ACO2: variants seen among roughly 807,000 people sequenced by gnomAD.
ACO2 encodes aconitate hydratase, mitochondrial.
In ACO2, 31 loss-of-function variants were observed where a neutral mutation model predicts 84.5. That is an observed-to-expected ratio of 0.37 (90% CI 0.28 to 0.50). The LOEUF (loss-of-function observed/expected upper bound fraction) is 0.50. Among genes scored for constraint, ACO2 ranks in the 20% least tolerant of loss-of-function variants. The probability of loss-of-function intolerance (pLI) is 0.97; values close to 1 mark genes in which losing one functional copy is unlikely to be tolerated. For missense variants in ACO2, 685 were observed against 1,029.3 expected, an observed-to-expected ratio of 0.67 and a Z score of 4.58; for synonymous variants, 414 against 412.7, an observed-to-expected ratio of 1.00 and a Z score of -0.04.
intron 15 of ACO2, chr22:41,527,046 TTC>T: frequency 1.7e-6 from 1 of 592,582 alleles, no homozygotes; most frequent in Non-Finnish European, 3.0e-6. Flanking sequence ...AATGGGTGGC[TTC>T]TGTCTTCTTT....
chr22:41,500,890 G>A (rs1041901232), intron 2 of ACO2, among the ~76,000 whole-genome samples: 1 of 152,016 alleles, frequency 6.6e-6, no homozygotes, highest in African/African-American at 2.4e-5. Context: ...TTTTTGTGGA[G>A]ATGGGGTTTC....
At chr22:41,486,849 A>G (rs939994293) in intron 1 of ACO2, among the ~76,000 whole-genome samples, 4 of 151,128 alleles carry the variant, frequency 2.6e-5, no homozygotes, top group Non-Finnish European at 5.9e-5. Context: ...ATTTTCTGCC[A>G]TTTCTTCTTC....
intron 1 of ACO2, among the ~76,000 whole-genome samples, chr22:41,493,104 TCCCTTTATCAGGAACCGACTCGC>T (rs2066285196): frequency 6.6e-6 from 1 of 152,144 alleles, no homozygotes; most frequent in Non-Finnish European, 1.5e-5. Flanking sequence ...GCCGGATTTA[TCCCTTTATCAGGAACCGACTCGC>T]ATGACAACTA....
At chr22:41,490,998 A>G (rs1432400862) in intron 1 of ACO2, among the ~76,000 whole-genome samples, 3 of 152,006 alleles carry the variant, frequency 2.0e-5, no homozygotes. Flanking sequence ...AATGAAGTCA[A>G]GGAGAGGTAA....
At chr22:41,505,085 G>A (rs1458311326) in intron 2 of ACO2, among the ~76,000 whole-genome samples, 5 of 151,946 alleles carry the variant, frequency 3.3e-5, no homozygotes, top group Admixed American at 3.3e-4. Flanking sequence ...GCAGAAGGAA[G>A]TTTCTCTGCC....
chr22:41,482,260 C>CA (rs1159655986), intron 1 of ACO2, among the ~76,000 whole-genome samples: 86 of 152,362 alleles, frequency 5.6e-4, no homozygotes, highest in African/African-American at 2.0e-3. Context: ...CCAACAACCC[C>CA]CTGGAGGACT....
intron 2 of ACO2, among the ~76,000 whole-genome samples, chr22:41,502,476 T>C (rs2066360152): frequency 6.6e-6 from 1 of 152,236 alleles, no homozygotes; most frequent in Non-Finnish European, 1.5e-5. Flanking sequence ...TAGGACGTTG[T>C]ATTTATTCTT....
rs985383276 is a variant in ACO2 at position 41,526,606 on chromosome 22, C to T, written c.1953+153C>T. The T allele has an allele frequency of 2.1e-4, 163 of 793,900 alleles. 1 individual carries two copies. Among genetic ancestry groups the T allele is most frequent in the Non-Finnish European group, 2.8e-4 (152 of 533,672 alleles). The allele number at this position is 793,900 out of a possible 1,614,324, so 49.2% of individuals were successfully genotyped here. A position where few individuals can be genotyped will look rare whatever the true frequency, so the allele number is the denominator to read the frequency against. On this transcript the variant is annotated intron_variant, in intron 15 of 17. Coordinates refer to ENST00000216254, the MANE Select transcript of ACO2 (RefSeq NM_001098.3). ...TGGAAGGGAGGAGAGGCCTGCAGCC[C>T]CTCCCTGTGGCTGAGAAGGCATGAG...
chr22:41,500,410 A>G (rs920876507), intron 2 of ACO2, among the ~76,000 whole-genome samples: 16 of 150,382 alleles, frequency 1.1e-4, no homozygotes, highest in African/African-American at 3.6e-4. Context: ...TTTGAGGCAT[A>G]GTCTCGCCCT....
At position 41,527,117 on chromosome 22, in the gene ACO2, C is replaced by T. The variant is rs62236521; in HGVS notation, c.1954-171C>T. On this transcript the variant is annotated intron_variant, in intron 15 of 17. Transcript: ENST00000216254. ...CGGGGCCTCGTTTGGGTCTCATTCA[C>T]GCAGGCTTCACTTGCCCTTAGGCAG... The T allele has an allele frequency of 0.023, 21,610 of 951,162 alleles. 339 individuals are homozygous for T. The highest frequency in any genetic ancestry group is 0.029 in the Non-Finnish European group (18,705 of 647,772). 58.9% of individuals were successfully genotyped at this position (951,162 alleles called of 1,614,324 possible). A position where few individuals can be genotyped will look rare whatever the true frequency, so the allele number is the denominator to read the frequency against.
intron 4 of ACO2, among the ~76,000 whole-genome samples, chr22:41,513,016 G>A (rs771364830): frequency 2.4e-4 from 37 of 152,244 alleles, no homozygotes; most frequent in Non-Finnish European, 1.9e-4. Flanking sequence ...GCACCGCCCC[G>A]CTCTGAAACC....
chr22:41,520,004 G>A (rs927978906), intron 8 of ACO2, among the ~76,000 whole-genome samples, 167 bp from the exon 9 acceptor site: 2 of 152,164 alleles, frequency 1.3e-5, no homozygotes, highest in African/African-American at 2.4e-5. Context: ...GCCCGGGAGC[G>A]GGTGTGTGCA....
At chr22:41,486,918 C>G (rs2038164805) in intron 1 of ACO2, among the ~76,000 whole-genome samples, 1 of 152,006 alleles carries the variant, frequency 6.6e-6, no homozygotes, top group African/African-American at 2.4e-5. Context: ...CAGTCTGTCT[C>G]TGTCGCCCAG....
At chr22:41,524,802 G>A (rs2066564503) in intron 12 of ACO2, 44 bp from the exon 13 acceptor site, 1 of 1,613,636 alleles carries the variant, frequency 6.2e-7, no homozygotes, top group South Asian at 1.1e-5. Flanking sequence ...GGAGACAGGA[G>A]TGGCAATTGG....
intron 1 of ACO2, among the ~76,000 whole-genome samples, chr22:41,473,655 T>TG (rs1293264729): frequency 1.3e-5 from 2 of 152,090 alleles, no homozygotes; most frequent in African/African-American, 4.8e-5. Context: ...CTGAGTGTTG[T>TG]GGGGAAGATA....
At chr22:41,490,531 T>C (rs954824338) in intron 1 of ACO2, among the ~76,000 whole-genome samples, 1 of 152,244 alleles carries the variant, frequency 6.6e-6, no homozygotes, top group Non-Finnish European at 1.5e-5. Flanking sequence ...TGGGTTGTTC[T>C]CTTAAAAACA....
intron 15 of ACO2, 25 bp from the exon 16 acceptor site, chr22:41,527,260 TATA>T: frequency 6.2e-7 from 1 of 1,613,974 alleles, no homozygotes; most frequent in Non-Finnish European, 8.5e-7. Flanking sequence ...TCCTCTGCCT[TATA>T]ACCTTACCCC....
rs2066467162 is a variant in ACO2, at chr22:41,515,281, G to A, written c.526-96G>A. On this transcript the variant is annotated intron_variant, in intron 4 of 17. Coordinates refer to ENST00000216254, the MANE Select transcript of ACO2 (RefSeq NM_001098.3). The surrounding 1 kb of genome is among the most constrained non-coding windows in gnomAD (Gnocchi z 5.8). ...CCTACCAGTTCCATCCTGGGAGAGT[G>A]GCTGGACGTGGTTGGGAGGCCCCGG... The A allele has an allele frequency of 7.0e-7, 1 of 1,425,888 alleles. No individual in the cohort carries two copies. The highest frequency in any genetic ancestry group is 9.8e-7 in the Non-Finnish European group (1 of 1,015,246). 88.3% of individuals were successfully genotyped at this position (1,425,888 alleles called of 1,614,324 possible). A position where few individuals can be genotyped will look rare whatever the true frequency, so the allele number is the denominator to read the frequency against.
intron 15 of ACO2, chr22:41,526,718 AGG>A (rs2066605456): frequency 2.3e-6 from 1 of 425,704 alleles, no homozygotes; most frequent in Non-Finnish European, 4.2e-6. Context: ...GACAAAGACA[AGG>A]AAGGGGGCCG....
Sources: allele counts gnomAD v4.1 joint callset (sites outside exome capture counted in the v4.1 genomes callset), GRCh38; gene constraint gnomAD v4.1.1; non-coding constraint Gnocchi (gnomAD v3.1); transcripts MANE v1.5; gene names NCBI Gene and HGNC (gene_info 2026-07-23, HGNC 2026-07-21).